Variants in PTPRD observed in about 807,000 individuals in gnomAD.
PTPRD encodes the protein receptor-type tyrosine-protein phosphatase delta.
In PTPRD, 34 loss-of-function variants were observed where a neutral mutation model predicts 214.5. That is an observed-to-expected ratio of 0.16 (90% CI 0.12 to 0.21). The LOEUF (loss-of-function observed/expected upper bound fraction) is 0.21, where lower values mean the gene tolerates loss of function less well. Among genes scored for constraint, PTPRD ranks in the 10% least tolerant of loss-of-function variants. The pLI is 1.00. For synonymous variants in PTPRD, 1,128 were observed against 845.7 expected (o/e 1.33, Z -5.79); for missense variants, 2,545 against 2,398.7 (o/e 1.06, Z -1.27).
At chr9:10,123,311 G>T (rs1383159970) in intron 3 of PTPRD, among the ~76,000 whole-genome samples, 3 of 152,204 alleles carry the variant, frequency 2.0e-5, no homozygotes, top group African/African-American at 7.2e-5. Context: ...AATAAGTGGT[G>T]TGTTAGTGTG....
chr9:9,983,118 G>T (rs1226057950), intron 4 of PTPRD, among the ~76,000 whole-genome samples: 1 of 151,964 alleles, frequency 6.6e-6, no homozygotes, highest in Non-Finnish European at 1.5e-5. Flanking sequence ...ACAGATAGGT[G>T]ATTTGGATGC....
At chr9:9,788,304 C>A (rs1290252385) in intron 5 of PTPRD, among the ~76,000 whole-genome samples, 2 of 151,256 alleles carry the variant, frequency 1.3e-5, no homozygotes, top group East Asian at 4.0e-4. Context: ...GTAATCCCAG[C>A]ACTTTGGGAG....
chr9:8,555,416 G>C (rs1004352654), intron 14 of PTPRD, among the ~76,000 whole-genome samples: 13 of 152,150 alleles, frequency 8.5e-5, no homozygotes, highest in African/African-American at 2.9e-4. Flanking sequence ...GACTAAAAGG[G>C]AGTAAAAGCA....
At chr9:10,035,795 C>T (rs2097169683) in intron 3 of PTPRD, among the ~76,000 whole-genome samples, 1 of 150,736 alleles carries the variant, frequency 6.6e-6, no homozygotes, top group African/African-American at 2.4e-5. Flanking sequence ...TTAGTGGTTT[C>T]CTGCTCAATA....
chr9:8,509,064 G>C (rs2097609039), intron 21 of PTPRD, among the ~76,000 whole-genome samples: 1 of 151,846 alleles, frequency 6.6e-6, no homozygotes, highest in Admixed American at 6.6e-5. Context: ...GATGCCTCTG[G>C]GAGCTTACCT....
intron 3 of PTPRD, among the ~76,000 whole-genome samples, chr9:10,068,828 A>G (rs914451117): frequency 6.6e-6 from 1 of 152,004 alleles, no homozygotes; most frequent in African/African-American, 2.4e-5. Context: ...CACTCTGTTT[A>G]GTACACATGT....
intron 11 of PTPRD, among the ~76,000 whole-genome samples, chr9:8,771,180 C>CAAAAAAAAAAA (rs35840345): frequency 1.4e-5 from 2 of 141,090 alleles, no homozygotes; most frequent in African/African-American, 5.5e-5. Context: ...GATTCCGTCT[C>CAAAAAAAAAAA]AAAAAAAAAA....
At chr9:8,964,190 GTGTTTTTT>G (rs1221317776) in intron 11 of PTPRD, among the ~76,000 whole-genome samples, 9 of 52,956 alleles carry the variant, frequency 1.7e-4, no homozygotes, top group African/African-American at 2.1e-4. Context: ...GTTCAGGGCT[GTGTTTTTT>G]TTTTTTTTTT....
At chr9:8,871,412 G>A (rs552531739) in intron 11 of PTPRD, among the ~76,000 whole-genome samples, 10 of 152,256 alleles carry the variant, frequency 6.6e-5, no homozygotes, top group African/African-American at 2.4e-4. Context: ...ATTCAATGGA[G>A]TAAATTTTAC....
At chr9:10,057,043 A>T (rs1325567119) in intron 3 of PTPRD, among the ~76,000 whole-genome samples, 2 of 152,202 alleles carry the variant, frequency 1.3e-5, no homozygotes, top group Non-Finnish European at 2.9e-5. Context: ...AAATTAAAGG[A>T]TACCAAATTG....
At chr9:8,756,166 G>C (rs905052338) in intron 11 of PTPRD, among the ~76,000 whole-genome samples, 2 of 152,128 alleles carry the variant, frequency 1.3e-5, no homozygotes, top group African/African-American at 2.4e-5. Context: ...CCAGATTCTA[G>C]ACCAACTTCA....
chr9:10,145,174 G>C (rs1348015449), intron 3 of PTPRD, among the ~76,000 whole-genome samples: 1 of 152,086 alleles, frequency 6.6e-6, no homozygotes, highest in East Asian at 1.9e-4. Flanking sequence ...TAAAAATTGA[G>C]ATTTCTGTTT....
intron 10 of PTPRD, among the ~76,000 whole-genome samples, chr9:9,114,188 G>A (rs143306372): frequency 6.6e-6 from 1 of 152,136 alleles, no homozygotes; most frequent in South Asian, 2.1e-4. Context: ...TGCCTTTAAG[G>A]TCTGATTCCA....
At chr9:10,566,248 T>C (rs1162057061) in intron 2 of PTPRD, among the ~76,000 whole-genome samples, 2 of 152,012 alleles carry the variant, frequency 1.3e-5, no homozygotes, top group African/African-American at 2.4e-5. Flanking sequence ...TATATGTATA[T>C]TTTTTGGTGT....
At chr9:8,637,042 G>A (rs988308207) in intron 12 of PTPRD, among the ~76,000 whole-genome samples, 198 bp from the exon 13 acceptor site, 1 of 151,984 alleles carries the variant, frequency 6.6e-6, no homozygotes, top group Non-Finnish European at 1.5e-5. Context: ...ATAACTTTCT[G>A]GTTAAGTTAT....
intron 2 of PTPRD, among the ~76,000 whole-genome samples, chr9:10,401,173 T>C (rs544821800): frequency 6.6e-6 from 1 of 151,838 alleles, no homozygotes; most frequent in African/African-American, 2.4e-5. Context: ...AAAATGACCG[T>C]TTTCTTTTTC....
intron 9 of PTPRD, among the ~76,000 whole-genome samples, chr9:9,331,217 T>C (rs1475918537): frequency 2.6e-5 from 4 of 152,130 alleles, no homozygotes; most frequent in Non-Finnish European, 5.9e-5. Flanking sequence ...GTTTCCCCTC[T>C]TTTATAACTT....
At chr9:10,090,957 CACATGCAT>C (rs1474228669) in intron 3 of PTPRD, among the ~76,000 whole-genome samples, 1 of 142,606 alleles carries the variant, frequency 7.0e-6, no homozygotes, top group Non-Finnish European at 1.6e-5. Context: ...CACACACACA[CACATGCAT>C]GTGGTAGAGT....
At chr9:8,322,661 A>G (rs942738144) in intron 44 of PTPRD, among the ~76,000 whole-genome samples, 10 of 152,234 alleles carry the variant, frequency 6.6e-5, no homozygotes, top group African/African-American at 1.2e-4. Context: ...AGGTGAAGCA[A>G]TAAGTGCTGT....
Sources: gnomAD v4.1 joint callset for allele counts (sites outside exome capture counted in the v4.1 genomes callset) on GRCh38, gnomAD v4.1.1 for gene constraint, MANE v1.5 for transcripts, NCBI Gene and HGNC (gene_info 2026-07-23, HGNC 2026-07-21) for gene names.